The following PIDD1 variants were observed in gnomAD, a reference collection of about 807,000 sequenced individuals.
PIDD1 encodes the protein p53-induced death domain-containing protein 1.
In PIDD1, 72 loss-of-function variants were observed where a neutral mutation model predicts 80.0. The observed-to-expected ratio is 0.90, with a 90% CI of 0.74 to 1.09. The LOEUF (loss-of-function observed/expected upper bound fraction) is 1.09. Ranked by LOEUF, PIDD1 falls within the 50% of genes least tolerant of loss-of-function variation. PIDD1 has a pLI of 0.00. For synonymous variants in PIDD1, 655 were observed against 543.5 expected (o/e 1.21, Z -2.85); for missense variants, 1,329 against 1,228.3 (o/e 1.08, Z -1.23).
Position 799,487 on chromosome 11 carries a change from C to A in PIDD1, c.2553G>T (p.Gly851=), listed in dbSNP as rs866875171. The A allele has an allele frequency of 2.5e-6, 4 of 1,608,374 alleles. 1 individual carries two copies. The Middle Eastern group carries it at 6.6e-4, about 265-fold the overall frequency. ...TCTGCTCCAGGGCCTGCACCAGGAGCCCCACAGCCCCTGGCTGCCCAGCCT... is the reference window on the plus strand; with the variant it reads ...TCTGCTCCAGGGCCTGCACCAGGAGACCCACAGCCCCTGGCTGCCCAGCCT... ...ERQAGQPGAV[G]LLVQALEQSD... The change falls in exon 16 of 16, where the codon GGG becomes GGT. Residue 851 remains glycine, a synonymous_variant. Transcript: ENST00000347755.
At chr11:807,313 C>G (rs866269220), upstream of PIDD1, among the ~76,000 whole-genome samples, 1 of 148,214 alleles carries the variant, frequency 6.7e-6, no homozygotes, top group South Asian at 2.1e-4. Context: ...AGGTGAAACC[C>G]TGTCTCTACT....
chr11:801,314 C>CT lies in PIDD1; in HGVS notation c.1533_1534insA (p.Ala512SerfsTer55). On this transcript the variant is annotated frameshift_variant, in exon 9 of 16. Coordinates refer to ENST00000347755, the MANE Select transcript of PIDD1 (RefSeq NM_145886.4). LOFTEE classifies it high-confidence loss of function. ...AGGCACAGCAGGGGGCTCACTGCAG[C>CT]CTCTGGTTCTCCCAGGAGGGCCTGC... 1 of 1,606,004 alleles carries CT rather than the reference C, an allele frequency of 6.2e-7. No homozygotes were observed. The highest frequency in any genetic ancestry group is 8.5e-7 in the Non-Finnish European group (1 of 1,176,174).
Position 803,466 on chromosome 11 carries a change from T to A in PIDD1, c.417A>T (p.Thr139=). ...GCATCTGCAGGACACAGGCCGGCAG[T>A]GTCTCCAGGCTGTTGAAGCTCAGGT... ...HLDLSFNSLE[T]LPACVLQMRG... is the part of the protein sequence containing the mutation. The change falls in exon 3 of 16, where the codon ACA becomes ACT. Residue 139 remains threonine, a synonymous_variant. Transcript: ENST00000347755. 6.2e-7 allele frequency: 1 copy of A among 1,613,730 alleles called. No individual in the cohort carries two copies. Among genetic ancestry groups the A allele is most frequent in the Non-Finnish European group, 8.5e-7 (1 of 1,179,982 alleles).
At position 800,897 on chromosome 11, in the gene PIDD1, G is replaced by A; in HGVS notation, c.1782C>T (p.Tyr594=). The A allele has an allele frequency of 6.3e-7, 1 of 1,590,734 alleles. No individual in the cohort carries two copies. Among genetic ancestry groups the A allele is most frequent in the South Asian group, 1.1e-5 (1 of 87,664 alleles). Residue 594 remains tyrosine (Y), a synonymous_variant, in exon 11 of 16, where the codon TAC becomes TAT. Transcript: ENST00000347755. ...VTHFSWYWLW[Y]TTKNCVGGLA... is the part of the protein sequence containing the mutation. ...GGCCTCCCACACAGTTCTTGGTGGTGTACCAGAGCCAGTACCTGGGAGAGC... is the reference window on the plus strand; with the variant it reads ...GGCCTCCCACACAGTTCTTGGTGGTATACCAGAGCCAGTACCTGGGAGAGC...
At chr11:802,422 G>C in intron 5 of PIDD1, 26 bp from the exon 6 acceptor site, 1 of 1,605,868 alleles carries the variant, frequency 6.2e-7, no homozygotes, top group Non-Finnish European at 8.5e-7. Context: ...GCGAGCAACA[G>C]GTTAGACCCA....
rs1299850852 is a variant in PIDD1, at chr11:804,464, C to T, written c.-75-1G>A. The T allele has an allele frequency of 6.0e-6, 9 of 1,501,950 alleles. No individual in the cohort carries two copies. Among genetic ancestry groups the T allele is most frequent in the Admixed American group, 2.2e-5 (1 of 45,716 alleles). The allele number at this position is 1,501,950 out of a possible 1,614,324, so 93.0% of individuals were successfully genotyped here. A position where few individuals can be genotyped will look rare whatever the true frequency, so the allele number is the denominator to read the frequency against. On this transcript the variant is annotated splice_acceptor_variant, in intron 1 of 15. Transcript: ENST00000347755. LOFTEE classifies it low-confidence loss of function (5UTR_SPLICE). The stretch of plus-strand genomic sequence containing the variant: ...CCTGTCCAGGCAGCGCCCGGGGAAG[C>T]TGCAGAGGCAGGAGGAGGAGTGAGC...
Position 801,258 on chromosome 11 carries a change from T to G in PIDD1, c.1590A>C (p.Gln530His). The G allele has an allele frequency of 6.4e-7, 1 of 1,571,818 alleles. No homozygotes were observed. Among genetic ancestry groups the G allele is most frequent in the Non-Finnish European group, 8.6e-7 (1 of 1,156,564 alleles). ...GCAGAGGCAGCTGCACGGTGACCGGTTGGAGGAAGCTGGGGGGACCGCTCT... is the reference window on the plus strand; with the variant it reads ...GCAGAGGCAGCTGCACGGTGACCGGGTGGAGGAAGCTGGGGGGACCGCTCT... ...LSQSGPPSFL[Q>H]PVTVQLPLPS... Residue 530 changes from glutamine (Q) to histidine (H), a missense_variant, in exon 9 of 16, where the codon CAA (glutamine) becomes CAC (histidine). By Grantham distance (24) the Gln-to-His change is conservative. Transcript: ENST00000347755.
rs1865020515 is a variant in PIDD1 at position 799,391 on chromosome 11, G to T, written c.2649C>A (p.Ser883Arg). Residue 883 changes from serine (S) to arginine (R), a missense_variant, in exon 16 of 16, where the codon AGC (serine) becomes AGA (arginine). By Grantham distance (110) the Ser-to-Arg change is moderately radical (BLOSUM62 -1). Coordinates refer to ENST00000347755, the MANE Select transcript of PIDD1 (RefSeq NM_145886.4). ...LELGRRKYQD[S>R]IRRMGLAPKD... ...TGGGGGCCAAGCCCATGCGTCGGAT[G>T]CTGTCCTGGTACTTGCGGCGGCCGA... is the stretch of plus-strand genomic sequence containing the variant. 1 of 1,611,928 alleles carries T rather than the reference G, an allele frequency of 6.2e-7. No individual in the cohort carries two copies. Among genetic ancestry groups the T allele is most frequent in the Non-Finnish European group, 8.5e-7 (1 of 1,179,872 alleles).
At chr11:806,536 C>T (rs1865780336), upstream of PIDD1, among the ~76,000 whole-genome samples, 2 of 152,112 alleles carry the variant, frequency 1.3e-5, no homozygotes, top group African/African-American at 4.8e-5. Context: ...CCAGGCCTCC[C>T]TGCTTCCATT....
Position 800,150 on chromosome 11 carries a change from G to C in PIDD1, c.2255C>G (p.Thr752Ser). The change falls in exon 14 of 16, where the codon ACT becomes AGT. Residue 752 changes from threonine to serine, a missense_variant. By Grantham distance (58) the Thr-to-Ser change is moderately conservative. Transcript: ENST00000347755. ...RKGADALWMA[T>S]LPIKLPRLRG... is the part of the protein sequence containing the mutation. ...TCCCACCGGCAGCTTGATGGGCAGA[G>C]TGGCCATCCACAGGGCGTCTGCGCC... The C allele has an allele frequency of 6.2e-7, 1 of 1,610,554 alleles. No homozygotes were observed. Among genetic ancestry groups the C allele is most frequent in the Non-Finnish European group, 8.5e-7 (1 of 1,179,276 alleles).
intron 8 of PIDD1, 29 bp from the exon 9 acceptor site, chr11:801,394 G>T: frequency 1.3e-6 from 2 of 1,596,008 alleles, no homozygotes; most frequent in Non-Finnish European, 1.7e-6. Context: ...CTGAGCACCT[G>T]CCTGTGGGCT....
rs148394818 is a variant in PIDD1 at position 801,502 on chromosome 11, C to T, written c.1425G>A (p.Gly475=). ...GTLLCSSGHP[G]VKVIFPPGAT... ...CCCCAGGGGGGAAGATGACTTTGAC[C>T]CCAGGATGACCCGAGGAGCACAGCA... Residue 475 remains glycine, a synonymous_variant, in exon 8 of 16, where the codon GGG becomes GGA. Transcript: ENST00000347755. 2.6e-6 allele frequency: 4 copies of T among 1,549,300 alleles called. No homozygotes were observed. The highest frequency in any genetic ancestry group is 3.5e-6 in the Non-Finnish European group (4 of 1,145,624).
At position 799,358 on chromosome 11, in the gene PIDD1, G is replaced by C. The variant is rs11820580; in HGVS notation, c.2682C>G (p.Pro894=). The C allele has an allele frequency of 5.2e-3, 8,312 of 1,611,002 alleles. 374 individuals carry two copies. In the African/African-American group the frequency reaches 0.095, roughly 18 times the overall value. ...GTGGAGCCGAGGAGCCAGGCAGAGC[G>C]GGGTCCTTGGGGGCCAAGCCCATGC... ...IRRMGLAPKD[P]ALPGSSAPQP... The change falls in exon 16 of 16, where the codon CCC becomes CCG. Residue 894 remains proline, a synonymous_variant. Coordinates refer to ENST00000347755, the MANE Select transcript of PIDD1 (RefSeq NM_145886.4).
chr11:802,435 A>C, intron 5 of PIDD1, 39 bp from the exon 6 acceptor site: 1 of 1,596,768 alleles, frequency 6.3e-7, no homozygotes, highest in Non-Finnish European at 8.6e-7. Context: ...TAGACCCAGA[A>C]GGGCCTACGT....
At chr11:804,594 CTTGT>C in intron 1 of PIDD1, 131 bp from the exon 2 acceptor site, 4 of 915,414 alleles carry the variant, frequency 4.4e-6, no homozygotes, top group Non-Finnish European at 4.7e-6. Flanking sequence ...TGGGGGAGAC[CTTGT>C]GGTCACCCTG....
intron 1 of PIDD1, 104 bp downstream of exon 1, chr11:805,075 G>T: frequency 2.7e-6 from 1 of 376,868 alleles, no homozygotes; most frequent in Non-Finnish European, 3.7e-6. Flanking sequence ...CAGCCCCGAG[G>T]CAGGCTCGGG....
At chr11:809,318 G>A (rs1865935752), upstream of PIDD1, 1 of 152,266 alleles carries the variant, frequency 6.6e-6, no homozygotes, top group Non-Finnish European at 1.5e-5. Flanking sequence ...TCCAAGGCCC[G>A]CGCTCGTCCT....
Position 799,800 on chromosome 11 carries a change from C to T in PIDD1, c.2474+15G>A. ...AGCCCTGGGGCTGGCAGCCAGCGGG[C>T]AGTGGGAGCCTCACCGGAACTCGTG... On this transcript the variant is annotated intron_variant, in intron 15 of 15. Coordinates refer to ENST00000347755, the MANE Select transcript of PIDD1 (RefSeq NM_145886.4). The T allele has an allele frequency of 6.5e-7, 1 of 1,536,614 alleles. No individual in the cohort carries two copies. Among genetic ancestry groups the T allele is most frequent in the Non-Finnish European group, 8.8e-7 (1 of 1,141,598 alleles).
intron 2 of PIDD1, 44 bp downstream of exon 2, chr11:804,050 C>A: frequency 6.4e-7 from 1 of 1,553,270 alleles, no homozygotes; most frequent in South Asian, 1.2e-5. Flanking sequence ...AGAGGCAGGG[C>A]AGAGCGAGAG....
Sources: gnomAD v4.1 joint callset for allele counts (sites outside exome capture counted in the v4.1 genomes callset) on GRCh38, gnomAD v4.1.1 for gene constraint, MANE v1.5 for transcripts, NCBI Gene and HGNC (gene_info 2026-07-23, HGNC 2026-07-21) for gene names.